Variants in PIK3C2G observed in about 807,000 individuals in gnomAD.
The protein encoded by PIK3C2G is phosphatidylinositol 3-kinase C2 domain-containing subunit gamma.
PIK3C2G carries 168 observed loss-of-function variants against 181.1 expected under a neutral mutation model. The observed-to-expected ratio is 0.93, with a 90% CI of 0.82 to 1.05. The LOEUF (loss-of-function observed/expected upper bound fraction) is 1.05, where lower values mean the gene tolerates loss of function less well. Ranked by LOEUF, PIK3C2G falls within the 50% of genes least tolerant of loss-of-function variation. The pLI is 0.00. For missense variants in PIK3C2G, 1,869 were observed against 1,732.8 expected (o/e 1.08, Z -1.40); for synonymous variants, 573 against 592.2 (o/e 0.97, Z 0.47).
chr12:18,364,921 A>T (rs1415489431), intron 12 of PIK3C2G, among the ~76,000 whole-genome samples: 1 of 152,120 alleles, frequency 6.6e-6, no homozygotes, highest in African/African-American at 2.4e-5. Flanking sequence ...AAAACCATTA[A>T]TCAGTTCAAT....
chr12:18,486,474 C>A (rs1449725342), intron 18 of PIK3C2G, among the ~76,000 whole-genome samples: 6 of 151,926 alleles, frequency 3.9e-5, no homozygotes, highest in Non-Finnish European at 8.8e-5. Flanking sequence ...GAGTATTATA[C>A]GTACAAATTA....
At chr12:18,629,584 T>C (rs1224506152) in intron 31 of PIK3C2G, among the ~76,000 whole-genome samples, 2 of 152,098 alleles carry the variant, frequency 1.3e-5, no homozygotes, top group Admixed American at 6.6e-5. Flanking sequence ...CTGGCTCCAG[T>C]TGGGAGTAGA....
At chr12:18,683,368 C>T in the PIK3C2G span, 3 of 1,578,032 alleles carry the variant, frequency 1.9e-6, no homozygotes, top group Middle Eastern at 1.7e-4. Flanking sequence ...ACCAATTAAT[C>T]AGTGGTGTCT....
intron 29 of PIK3C2G, among the ~76,000 whole-genome samples, chr12:18,581,230 A>G (rs192137923): frequency 6.6e-6 from 1 of 152,204 alleles, no homozygotes; most frequent in African/African-American, 2.4e-5. Flanking sequence ...TGGGTTTCAA[A>G]TTTGTTCTTT....
At chr12:18,353,906 C>T (rs1186884743) in intron 11 of PIK3C2G, among the ~76,000 whole-genome samples, 1 of 152,144 alleles carries the variant, frequency 6.6e-6, no homozygotes, top group African/African-American at 2.4e-5. Flanking sequence ...TACATAAATC[C>T]TCCATTATGC....
Position 18,282,000 on chromosome 12 carries a change from C to A in PIK3C2G, c.-78-4C>A. On this transcript the variant is annotated splice_polypyrimidine_tract_variant and splice_region_variant and intron_variant, in intron 1 of 32. Coordinates refer to ENST00000538779, the MANE Select transcript of PIK3C2G (RefSeq NM_001288772.2). ...TATTTTCTTTCATTTTATGCTTTTT[C>A]TAGGAAAATTTCTATCTTCTTTTGT... 1.3e-6 allele frequency: 1 copy of A among 795,564 alleles called. No homozygotes were observed. The highest frequency in any genetic ancestry group is 2.0e-6 in the Non-Finnish European group (1 of 505,514). The allele number at this position is 795,564 out of a possible 1,614,324, so 49.3% of individuals were successfully genotyped here.
In PIK3C2G at chr12:18,503,376, T is replaced by C. The variant is rs1181017592; in HGVS notation, c.3112T>C (p.Trp1038Arg). ...ATTGAAAGAAAATACAATTAAAAAGTGGTTCAGTCAGCACAACCACTTAAA... is the reference window on the plus strand; with the variant it reads ...ATTGAAAGAAAATACAATTAAAAAGCGGTTCAGTCAGCACAACCACTTAAA... ...GPLKENTIKKWFSQHNHLKAD... is the reference protein window; with the variant it reads ...GPLKENTIKKRFSQHNHLKAD... The change falls in exon 23 of 33, where the codon TGG (tryptophan) becomes CGG (arginine). Residue 1038 changes from tryptophan (W) to arginine (R), a missense_variant. By Grantham distance (101) the Trp-to-Arg change is moderately radical. Transcript: ENST00000538779. The C allele has an allele frequency of 1.9e-6, 3 of 1,611,840 alleles. No homozygotes were observed. Among genetic ancestry groups the C allele is most frequent in the Non-Finnish European group, 2.5e-6 (3 of 1,178,636 alleles).
intron 9 of PIK3C2G, among the ~76,000 whole-genome samples, chr12:18,341,544 TAA>T (rs1363366050): frequency 6.6e-6 from 1 of 152,194 alleles, no homozygotes; most frequent in Non-Finnish European, 1.5e-5. Context: ...CAATATTCTG[TAA>T]AAACTGGGTC....
intron 31 of PIK3C2G, among the ~76,000 whole-genome samples, chr12:18,610,516 G>A (rs896216849): frequency 2.6e-5 from 4 of 152,044 alleles, no homozygotes; most frequent in Non-Finnish European, 5.9e-5. Flanking sequence ...TTCATTATTA[G>A]TCAGACATCC....
intron 5 of PIK3C2G, among the ~76,000 whole-genome samples, chr12:18,298,112 A>G (rs1420569724): frequency 1.3e-5 from 2 of 151,956 alleles, no homozygotes; most frequent in Non-Finnish European, 2.9e-5. Context: ...ACTGTTTTCC[A>G]TAATGGTTGT....
chr12:18,397,051 A>T (rs1943935341), intron 15 of PIK3C2G, among the ~76,000 whole-genome samples: 1 of 151,936 alleles, frequency 6.6e-6, no homozygotes, highest in African/African-American at 2.4e-5. Context: ...AGATAATGTG[A>T]TATTGCTTAA....
chr12:18,340,185 T>C (rs1938994919), intron 9 of PIK3C2G, among the ~76,000 whole-genome samples: 1 of 152,122 alleles, frequency 6.6e-6, no homozygotes. Context: ...AAAAATATAC[T>C]ACAGCAGGGT....
intron 24 of PIK3C2G, among the ~76,000 whole-genome samples, chr12:18,536,814 AG>A (rs963184044): frequency 6.6e-5 from 10 of 152,102 alleles, no homozygotes; most frequent in African/African-American, 2.4e-4. Flanking sequence ...CAAATAAAAA[AG>A]GATTTTGAAC....
At chr12:18,402,718 A>T (rs1944317938) in intron 16 of PIK3C2G, among the ~76,000 whole-genome samples, 1 of 152,108 alleles carries the variant, frequency 6.6e-6, no homozygotes, top group Admixed American at 6.6e-5. Flanking sequence ...AAATAAGAGG[A>T]TTAGCTGGAT....
chr12:18,277,249 T>C lies in PIK3C2G; in HGVS notation c.-78-4755T>C, dbSNP rs145119807. On this transcript the variant is annotated intron_variant, in intron 1 of 32. Transcript: ENST00000538779. ...AGGTCAGATTTGTGTCTTGCTAAAATATGATTTTCTGTGTGTGTGTCTATG... is the reference window on the plus strand; with the variant it reads ...AGGTCAGATTTGTGTCTTGCTAAAACATGATTTTCTGTGTGTGTGTCTATG... Among the ~76,000 whole-genome samples the C allele has an allele frequency of 1.3e-4, 20 of 152,284 alleles. No individual in the cohort carries two copies. In the East Asian group the frequency reaches 3.1e-3, roughly 24 times the overall value.
chr12:18,623,638 C>A (rs1225552844), intron 31 of PIK3C2G, among the ~76,000 whole-genome samples: 2 of 151,676 alleles, frequency 1.3e-5, no homozygotes, highest in African/African-American at 4.8e-5. Context: ...GAAATATGGA[C>A]ATTTTAAGAA....
intron 17 of PIK3C2G, among the ~76,000 whole-genome samples, 163 bp downstream of exon 17, chr12:18,421,197 A>C (rs923555861): frequency 2.0e-5 from 3 of 152,076 alleles, no homozygotes; most frequent in Admixed American, 1.3e-4. Flanking sequence ...CTCTAGCTGA[A>C]ATTGTTACAA....
At chr12:18,723,163 A>G in the PIK3C2G span, 1 of 670,138 alleles carries the variant, frequency 1.5e-6, no homozygotes, top group Non-Finnish European at 2.5e-6. Context: ...TCTATAAAAT[A>G]TATTTTCTCA....
chr12:18,357,021 T>C (rs1057250815), intron 11 of PIK3C2G, among the ~76,000 whole-genome samples: 2 of 152,092 alleles, frequency 1.3e-5, no homozygotes, highest in African/African-American at 4.8e-5. Context: ...CTCCTGTCTG[T>C]ATCAATACCA....
Sources: gnomAD v4.1 joint callset for allele counts (sites outside exome capture counted in the v4.1 genomes callset) on GRCh38, gnomAD v4.1.1 for gene constraint, MANE v1.5 for transcripts, NCBI Gene and HGNC (gene_info 2026-07-23, HGNC 2026-07-21) for gene names.